ADCY3: variants seen among roughly 807,000 people sequenced by gnomAD.
ADCY3 encodes the protein adenylate cyclase 3.
Under a neutral mutation model 119.4 loss-of-function variants are expected in ADCY3, and 70 were observed. That is an observed-to-expected ratio of 0.59 (90% CI 0.48 to 0.72). ADCY3 has a LOEUF of 0.72. ADCY3 is among the 30% of genes least tolerant of loss of function. The pLI is 0.00. For synonymous variants in ADCY3, 672 were observed against 621.4 expected, an observed-to-expected ratio of 1.08 and a Z score of -1.21; for missense variants, 1,238 against 1,541.6, an observed-to-expected ratio of 0.80 and a Z score of 3.30.
At position 24,872,046 on chromosome 2, in the gene ADCY3, G is replaced by A. The variant is rs759096235; in HGVS notation, c.825+524C>T. Among the ~76,000 whole-genome samples the A allele has an allele frequency of 6.6e-6, 1 of 152,216 alleles. No homozygotes were observed. Among genetic ancestry groups the A allele is most frequent in the African/African-American group, 2.4e-5 (1 of 41,446 alleles). On this transcript the variant is annotated intron_variant, in intron 3 of 21. Transcript: ENST00000679454. The surrounding 1 kb of genome is among the most constrained non-coding windows in gnomAD (Gnocchi z 4.4). ...GGAGCTCCCCTGAGTGGGGGTGTGAGGCTGACACACTTCACCCAGCAGGGC... is the reference window on the plus strand; with the variant it reads ...GGAGCTCCCCTGAGTGGGGGTGTGAAGCTGACACACTTCACCCAGCAGGGC...
rs758845081 is a variant in ADCY3 at position 24,918,279 on chromosome 2, A to C, written c.675+34T>G. ...CCCAAGTTGGTGAGAGCTGCAGGAG[A>C]GGACGCTGTGGGGGGACAGTGGGCA... On this transcript the variant is annotated intron_variant, in intron 2 of 21. Coordinates refer to ENST00000679454, the MANE Select transcript of ADCY3 (RefSeq NM_004036.5). This position sits in a 1 kb window ranked among gnomAD's most constrained non-coding sequence, Gnocchi z 5.4. 6.6e-7 allele frequency: 1 copy of C among 1,520,518 alleles called. No homozygotes were observed. The highest frequency in any genetic ancestry group is 1.3e-5 in the South Asian group (1 of 76,036). The allele number at this position is 1,520,518 out of a possible 1,614,324, so 94.2% of individuals were successfully genotyped here.
intron 13 of ADCY3, among the ~76,000 whole-genome samples, 187 bp downstream of exon 13, chr2:24,830,522 G>C (rs148664011): frequency 6.6e-6 from 1 of 152,176 alleles, no homozygotes; most frequent in Non-Finnish European, 1.5e-5. Context: ...CATCCCAGAG[G>C]CTCCCTGGAT....
intron 2 of ADCY3, among the ~76,000 whole-genome samples, chr2:24,887,859 C>T (rs1294810531): frequency 6.6e-6 from 1 of 152,200 alleles, no homozygotes; most frequent in Non-Finnish European, 1.5e-5. Context: ...GTAAAGAGCC[C>T]AGCATCAGAC....
At chr2:24,904,382 T>C (rs748348936) in intron 2 of ADCY3, among the ~76,000 whole-genome samples, 1 of 151,828 alleles carries the variant, frequency 6.6e-6, no homozygotes, top group South Asian at 2.1e-4. Flanking sequence ...ATACAAAAAT[T>C]TGCCAGGTGT....
chr2:24,847,069 G>C (rs180800348), intron 3 of ADCY3, among the ~76,000 whole-genome samples: 3 of 152,272 alleles, frequency 2.0e-5, no homozygotes, highest in African/African-American at 7.2e-5. Context: ...TGGTTTGGCT[G>C]TGTCCCCACC....
chr2:24,837,898 A>G (rs4297837), intron 8 of ADCY3, among the ~76,000 whole-genome samples: 2 of 152,020 alleles, frequency 1.3e-5, no homozygotes, highest in Non-Finnish European at 2.9e-5. Flanking sequence ...AACCCACAGT[A>G]TTTTTTGTTT....
chr2:24,870,321 CAAAAAAAA>C (rs34685288), intron 3 of ADCY3, among the ~76,000 whole-genome samples: 2 of 87,310 alleles, frequency 2.3e-5, no homozygotes, highest in Admixed American at 1.4e-4. Flanking sequence ...GACTCCATGT[CAAAAAAAA>C]AAAAAAAAAA....
At chr2:24,838,693 G>A (rs1670616644) in intron 7 of ADCY3, 71 bp from the exon 8 acceptor site, 9 of 1,598,514 alleles carry the variant, frequency 5.6e-6, no homozygotes, top group African/African-American at 2.7e-5. Flanking sequence ...GACAGTCCAC[G>A]GACCACGGCT....
intron 13 of ADCY3, among the ~76,000 whole-genome samples, chr2:24,828,939 G>A (rs989727636): frequency 3.9e-5 from 6 of 152,306 alleles, no homozygotes; most frequent in South Asian, 2.1e-4. Flanking sequence ...CTCTTCCCTG[G>A]GTAGTGGGCA....
chr2:24,893,884 G>A (rs570257803), intron 2 of ADCY3, among the ~76,000 whole-genome samples: 41 of 152,280 alleles, frequency 2.7e-4, no homozygotes, highest in Non-Finnish European at 5.1e-4. Context: ...GATTACAAGC[G>A]TGAGCCACTG....
chr2:24,856,438 G>C (rs568161193), intron 3 of ADCY3, among the ~76,000 whole-genome samples: 2 of 152,172 alleles, frequency 1.3e-5, no homozygotes, highest in African/African-American at 2.4e-5. Context: ...GATTAATCCA[G>C]ATTCTTAGAG....
At chr2:24,913,254 G>A (rs1664020107) in intron 2 of ADCY3, among the ~76,000 whole-genome samples, 2 of 152,338 alleles carry the variant, frequency 1.3e-5, no homozygotes, top group Middle Eastern at 3.4e-3. Flanking sequence ...TCCCGATTCA[G>A]CCCCCTGCCT....
Position 24,841,488 on chromosome 2 carries a change from G to A in ADCY3, c.1068+68C>T. ...CAGTGGGAGAAAATCATGGGGCCGG[G>A]GATGGGGGCCAGGCAGAGGCCATGA... is the stretch of plus-strand genomic sequence containing the variant. On this transcript the variant is annotated intron_variant, in intron 5 of 21. Coordinates refer to ENST00000679454, the MANE Select transcript of ADCY3 (RefSeq NM_004036.5). The surrounding 1 kb of genome is among the most constrained non-coding windows in gnomAD (Gnocchi z 5.8). 6.3e-7 allele frequency: 1 copy of A among 1,590,242 alleles called. No homozygotes were observed. The highest frequency in any genetic ancestry group is 8.6e-7 in the Non-Finnish European group (1 of 1,165,786).
intron 12 of ADCY3, 23 bp from the exon 13 acceptor site, chr2:24,830,848 G>A: frequency 6.3e-7 from 1 of 1,585,004 alleles, no homozygotes; most frequent in Admixed American, 1.7e-5. Flanking sequence ...GAATTTCAAG[G>A]GCCATGAGCC....
At chr2:24,901,808 A>AAAAAGGCCACAAGG (rs947768476) in intron 2 of ADCY3, among the ~76,000 whole-genome samples, 3 of 151,862 alleles carry the variant, frequency 2.0e-5, no homozygotes, top group African/African-American at 4.8e-5. Flanking sequence ...AAGGAAAAAG[A>AAAAAGGCCACAAGG]AAAAGGCCAC....
rs1572859861 is a variant in ADCY3 at position 24,841,499 on chromosome 2, A to C, written c.1068+57T>G. The C allele has an allele frequency of 2.5e-6, 4 of 1,592,218 alleles. No homozygotes were observed. In the East Asian group the frequency reaches 9.0e-5, roughly 36 times the overall value. Reference sequence around the variant, plus strand: ...AATCATGGGGCCGGGGATGGGGGCCAGGCAGAGGCCATGAGGGCAGGCCCC... The same window carrying C: ...AATCATGGGGCCGGGGATGGGGGCCCGGCAGAGGCCATGAGGGCAGGCCCC... On this transcript the variant is annotated intron_variant, in intron 5 of 21. Coordinates refer to ENST00000679454, the MANE Select transcript of ADCY3 (RefSeq NM_004036.5). This position sits in a 1 kb window ranked among gnomAD's most constrained non-coding sequence, Gnocchi z 5.8.
rs1237796213 is a variant in ADCY3, at chr2:24,919,044, T to G, written c.-57A>C. ...AGTGGACTGGGAACGGAGGAAGAGC[T>G]CTGGACTGGGCCTCCTCTCAGGGCT... On this transcript the variant is annotated 5_prime_UTR_variant, in exon 2 of 22. Transcript: ENST00000679454. This position sits in a 1 kb window ranked among gnomAD's most constrained non-coding sequence, Gnocchi z 5.5. 6.8e-7 allele frequency: 1 copy of G among 1,475,936 alleles called. No individual in the cohort carries two copies. The highest frequency in any genetic ancestry group is 2.5e-5 in the East Asian group (1 of 40,422). The allele number at this position is 1,475,936 out of a possible 1,614,324, so 91.4% of individuals were successfully genotyped here.
intron 3 of ADCY3, among the ~76,000 whole-genome samples, chr2:24,852,247 G>A (rs952641429): frequency 6.6e-6 from 1 of 152,150 alleles, no homozygotes; most frequent in African/African-American, 2.4e-5. Context: ...CCAGCACCCC[G>A]GTCCGCTCCT....
At chr2:24,820,265 C>T (rs1667385089) in intron 21 of ADCY3, 151 bp from the exon 22 acceptor site, 2 of 1,210,952 alleles carry the variant, frequency 1.7e-6, no homozygotes, top group Non-Finnish European at 2.2e-6. Context: ...CAAGCCCTTC[C>T]ACCCGTGGCG....
Sources: allele counts gnomAD v4.1 joint callset (sites outside exome capture counted in the v4.1 genomes callset), GRCh38; gene constraint gnomAD v4.1.1; non-coding constraint Gnocchi (gnomAD v3.1); transcripts MANE v1.5; gene names NCBI Gene and HGNC (gene_info 2026-07-23, HGNC 2026-07-21).